The following PRKG1 variants were observed in gnomAD, a reference collection of about 807,000 sequenced individuals.
The protein encoded by PRKG1 is protein kinase cGMP-dependent 1.
Under a neutral mutation model 88.1 loss-of-function variants are expected in PRKG1, and 35 were observed. The ratio of observed to expected loss-of-function variants is 0.40; its 90% confidence interval spans 0.30 to 0.53. The LOEUF (loss-of-function observed/expected upper bound fraction) is 0.53, where lower values mean the gene tolerates loss of function less well. Among genes scored for constraint, PRKG1 ranks in the 20% least tolerant of loss-of-function variants. PRKG1 has a pLI of 0.59. For synonymous variants in PRKG1, 303 were observed against 292.5 expected (o/e 1.04, Z -0.37); for missense variants, 540 against 839.8 (o/e 0.64, Z 4.41).
rs144905986 is a variant in PRKG1 at position 51,894,421 on chromosome 10, G to C, written c.699-13086G>C. On this transcript the variant is annotated intron_variant, in intron 4 of 17. Coordinates refer to ENST00000373980, the MANE Select transcript of PRKG1 (RefSeq NM_006258.4). ...ACAGGGGCTAGTTATTCTTTAACAG[G>C]TACACAATTTCAGCTGGTAATGTTG... is the stretch of plus-strand genomic sequence containing the variant. Among the ~76,000 whole-genome samples, 7 of 152,254 alleles carry C rather than the reference G, an allele frequency of 4.6e-5. No individual in the cohort carries two copies. In the East Asian group the frequency reaches 1.4e-3, roughly 29 times the overall value.
chr10:51,175,321 A>G (rs560435247), intron 2 of PRKG1, among the ~76,000 whole-genome samples: 112 of 152,162 alleles, frequency 7.4e-4, no homozygotes, highest in African/African-American at 2.4e-3. Flanking sequence ...ATATACACAC[A>G]AATACACATA....
At chr10:51,132,714 T>C (rs1226713056) in intron 1 of PRKG1, among the ~76,000 whole-genome samples, 1 of 147,820 alleles carries the variant, frequency 6.8e-6, no homozygotes, top group Admixed American at 6.8e-5. Context: ...TTATGTTATA[T>C]ATATATTATA....
intron 3 of PRKG1, among the ~76,000 whole-genome samples, chr10:51,585,703 CAT>C (rs1159764959): frequency 2.0e-5 from 3 of 151,988 alleles, no homozygotes; most frequent in African/African-American, 7.3e-5. Context: ...CAATAGCAAA[CAT>C]GTGGAATCAA....
intron 2 of PRKG1, among the ~76,000 whole-genome samples, chr10:51,197,753 T>C (rs911062762): frequency 2.6e-5 from 4 of 151,780 alleles, no homozygotes; most frequent in Non-Finnish European, 4.4e-5. Context: ...AGGTGTGTTT[T>C]TTTTCAGAGG....
At chr10:52,175,300 G>T (rs185402844) in intron 9 of PRKG1, among the ~76,000 whole-genome samples, 1 of 151,780 alleles carries the variant, frequency 6.6e-6, no homozygotes. Flanking sequence ...CATCTATATC[G>T]CCACAAACAA....
At chr10:51,938,054 G>A (rs1318421433) in intron 5 of PRKG1, among the ~76,000 whole-genome samples, 3 of 152,078 alleles carry the variant, frequency 2.0e-5, no homozygotes, top group African/African-American at 7.2e-5. Flanking sequence ...AAAATCACCT[G>A]AAGCAGATGA....
intron 9 of PRKG1, among the ~76,000 whole-genome samples, chr10:52,181,375 G>A (rs1177285201): frequency 2.0e-5 from 3 of 149,020 alleles, no homozygotes; most frequent in Admixed American, 2.0e-4. Flanking sequence ...ACTTGAGACT[G>A]GGTAATTTAT....
At chr10:51,126,411 T>C (rs896081942) in intron 1 of PRKG1, among the ~76,000 whole-genome samples, 7 of 138,198 alleles carry the variant, frequency 5.1e-5, no homozygotes, top group African/African-American at 1.0e-4. Context: ...TATATTTATA[T>C]ATAATTCATA....
At chr10:52,229,685 G>C (rs939586376) in intron 9 of PRKG1, among the ~76,000 whole-genome samples, 9 of 152,130 alleles carry the variant, frequency 5.9e-5, no homozygotes, top group Non-Finnish European at 1.2e-4. Flanking sequence ...CTGTGGCTTA[G>C]AGCATATTGA....
intron 5 of PRKG1, among the ~76,000 whole-genome samples, chr10:51,933,064 A>G (rs61847480): frequency 0.27 from 41,543 of 151,948 alleles, 6,178 homozygotes; most frequent in Non-Finnish European, 0.33. Context: ...ATTGGGTAGC[A>G]GCCCCAATGT....
At chr10:51,647,050 T>C (rs994960552) in intron 3 of PRKG1, among the ~76,000 whole-genome samples, 2 of 151,940 alleles carry the variant, frequency 1.3e-5, no homozygotes, top group Non-Finnish European at 2.9e-5. Context: ...AATTCTTTTT[T>C]TAAAGTGGTC....
intron 1 of PRKG1, among the ~76,000 whole-genome samples, chr10:51,024,669 A>G (rs985865047): frequency 6.6e-6 from 1 of 152,200 alleles, no homozygotes; most frequent in African/African-American, 2.4e-5. Context: ...CTGTACAGGA[A>G]GCATGGCTGT....
intron 2 of PRKG1, among the ~76,000 whole-genome samples, chr10:51,426,036 G>A (rs1017041342): frequency 6.6e-6 from 1 of 152,172 alleles, no homozygotes; most frequent in African/African-American, 2.4e-5. Context: ...AGCACTTTGG[G>A]AGGCCGAGGC....
chr10:51,664,085 C>G (rs537293569), intron 3 of PRKG1, among the ~76,000 whole-genome samples: 1 of 152,096 alleles, frequency 6.6e-6, no homozygotes, highest in African/African-American at 2.4e-5. Flanking sequence ...TTGAGATAAG[C>G]TACCCAGTGG....
At chr10:52,127,458 C>G (rs1213734032) in intron 7 of PRKG1, among the ~76,000 whole-genome samples, 1 of 152,024 alleles carries the variant, frequency 6.6e-6, no homozygotes, top group African/African-American at 2.4e-5. Context: ...TGAGAGAAAG[C>G]AGGGCTAGCA....
Position 52,017,790 on chromosome 10 carries a change from G to A in PRKG1, c.763-36694G>A, listed in dbSNP as rs901611883. Among the ~76,000 whole-genome samples, 7 of 152,208 alleles carry A rather than the reference G, an allele frequency of 4.6e-5. No homozygotes were observed. In the South Asian group the frequency reaches 1.5e-3, roughly 32 times the overall value. Reference sequence around the variant, plus strand: ...ATGTTTCCCGGGATTCTAGACAATGGAAAGTGGCACAATTTCAGGAAACTT... The same window carrying A: ...ATGTTTCCCGGGATTCTAGACAATGAAAAGTGGCACAATTTCAGGAAACTT... On this transcript the variant is annotated intron_variant, in intron 5 of 17. Transcript: ENST00000373980.
At chr10:50,994,988 A>T (rs528953159) in intron 1 of PRKG1, among the ~76,000 whole-genome samples, 1 of 152,326 alleles carries the variant, frequency 6.6e-6, no homozygotes, top group East Asian at 1.9e-4. Flanking sequence ...CAAATACTAC[A>T]CCATTTTATA....
intron 2 of PRKG1, among the ~76,000 whole-genome samples, chr10:51,238,077 T>G (rs1231305241): frequency 6.6e-6 from 1 of 152,216 alleles, no homozygotes; most frequent in African/African-American, 2.4e-5. Flanking sequence ...AAATTGAATC[T>G]ACTATTAATA....
At chr10:51,831,722 G>C (rs1589331171) in intron 4 of PRKG1, among the ~76,000 whole-genome samples, 1 of 152,134 alleles carries the variant, frequency 6.6e-6, no homozygotes, top group East Asian at 1.9e-4. Flanking sequence ...GATGGAGGAA[G>C]GGAATTGAAT....
Sources: allele counts gnomAD v4.1 joint callset (sites outside exome capture counted in the v4.1 genomes callset), GRCh38; gene constraint gnomAD v4.1.1; transcripts MANE v1.5; gene names NCBI Gene and HGNC (gene_info 2026-07-23, HGNC 2026-07-21).